CDH12: variants seen among roughly 807,000 people sequenced by gnomAD.
The protein encoded by CDH12 is cadherin 12, also known as cadherin-12.
In CDH12, 41 loss-of-function variants were observed where a neutral mutation model predicts 74.1. The ratio of observed to expected loss-of-function variants is 0.55; its 90% CI spans 0.43 to 0.72. The LOEUF (loss-of-function observed/expected upper bound fraction) is 0.72. Ranked by LOEUF, CDH12 falls within the 30% of genes least tolerant of loss-of-function variation. CDH12 has a pLI of 0.00. For missense variants in CDH12, 945 were observed against 977.2 expected (o/e 0.97, Z 0.44); for synonymous variants, 399 against 355.0 (o/e 1.12, Z -1.39).
chr5:21,849,745 T>C (rs1488039666), intron 7 of CDH12, among the ~76,000 whole-genome samples: 1 of 151,808 alleles, frequency 6.6e-6, no homozygotes, highest in Non-Finnish European at 1.5e-5. Flanking sequence ...GATTTTATTC[T>C]GAATTAATAT....
chr5:21,874,320 AG>A (rs1330169479), intron 6 of CDH12, among the ~76,000 whole-genome samples: 9 of 152,188 alleles, frequency 5.9e-5, no homozygotes, highest in Non-Finnish European at 1.3e-4. Context: ...TGAGAGACAC[AG>A]GACTAGCTGG....
At chr5:21,969,287 G>T (rs528424203) in intron 6 of CDH12, among the ~76,000 whole-genome samples, 1 of 152,244 alleles carries the variant, frequency 6.6e-6, no homozygotes, top group African/African-American at 2.4e-5. Flanking sequence ...AGAATATATT[G>T]CATGACAGAG....
chr5:21,989,345 G>A (rs1484003574), intron 5 of CDH12, among the ~76,000 whole-genome samples: 2 of 152,150 alleles, frequency 1.3e-5, no homozygotes, highest in African/African-American at 4.8e-5. Context: ...TTGTGAAAGC[G>A]ATTGAGTTTT....
At chr5:22,210,947 A>T (rs1401537715) in intron 4 of CDH12, among the ~76,000 whole-genome samples, 1 of 152,252 alleles carries the variant, frequency 6.6e-6, no homozygotes, top group Non-Finnish European at 1.5e-5. Context: ...GAAAAGAGAT[A>T]GAAGTCTCAG....
At chr5:22,821,005 A>T (rs1749670803) in intron 1 of CDH12, among the ~76,000 whole-genome samples, 2 of 152,148 alleles carry the variant, frequency 1.3e-5, no homozygotes, top group Admixed American at 6.6e-5. Context: ...GGCAAACCGA[A>T]TCCAGCAGCA....
At chr5:22,195,325 G>A (rs1750558313) in intron 4 of CDH12, among the ~76,000 whole-genome samples, 1 of 152,038 alleles carries the variant, frequency 6.6e-6, no homozygotes, top group Admixed American at 6.5e-5. Context: ...ATAACTACCT[G>A]TTAATATTGT....
intron 2 of CDH12, among the ~76,000 whole-genome samples, chr5:22,406,546 A>G (rs1015024875): frequency 1.3e-5 from 2 of 152,152 alleles, no homozygotes; most frequent in Non-Finnish European, 2.9e-5. Flanking sequence ...CCACCAGATA[A>G]AAAATATATT....
intron 4 of CDH12, among the ~76,000 whole-genome samples, chr5:22,175,323 T>G (rs1215408871): frequency 1.3e-5 from 2 of 151,696 alleles, no homozygotes; most frequent in African/African-American, 4.8e-5. Flanking sequence ...CATCTATCCA[T>G]GTCAGATGTA....
chr5:22,030,446 T>C (rs1006609927), intron 5 of CDH12, among the ~76,000 whole-genome samples: 3 of 152,116 alleles, frequency 2.0e-5, no homozygotes, highest in African/African-American at 7.2e-5. Context: ...GAATGAGCAG[T>C]AATATTTTGA....
At chr5:21,903,698 C>T (rs1753503415) in intron 6 of CDH12, among the ~76,000 whole-genome samples, 1 of 152,026 alleles carries the variant, frequency 6.6e-6, no homozygotes, top group Non-Finnish European at 1.5e-5. Flanking sequence ...GAAGTCTTTT[C>T]TGGATAGTTG....
At chr5:21,774,988 G>A (rs977894121) in intron 11 of CDH12, among the ~76,000 whole-genome samples, 7 of 152,062 alleles carry the variant, frequency 4.6e-5, no homozygotes, top group Non-Finnish European at 8.8e-5. Context: ...AGATTTCTTG[G>A]CAGTACTCCC....
chr5:22,327,193 C>T (rs1375567898), intron 3 of CDH12, among the ~76,000 whole-genome samples: 1 of 151,986 alleles, frequency 6.6e-6, no homozygotes. Flanking sequence ...GCTTTGTCCC[C>T]ACACTCGAGG....
chr5:21,802,593 C>CTT (rs35742047), intron 9 of CDH12, among the ~76,000 whole-genome samples, 173 bp from the exon 10 acceptor site: 1,423 of 120,156 alleles, frequency 0.012, 81 homozygotes, highest in African/African-American at 0.034. Flanking sequence ...ATTTTTTTTT[C>CTT]TTTTTTTTTT....
chr5:21,824,305 T>G (rs1436178379), intron 8 of CDH12, among the ~76,000 whole-genome samples: 1 of 152,102 alleles, frequency 6.6e-6, no homozygotes, highest in Non-Finnish European at 1.5e-5. Flanking sequence ...TGATGTGGTT[T>G]TTGCTTCTCT....
chr5:22,044,539 T>A (rs577779125), intron 5 of CDH12, among the ~76,000 whole-genome samples: 1 of 152,256 alleles, frequency 6.6e-6, no homozygotes, highest in African/African-American at 2.4e-5. Context: ...CATGATCTAA[T>A]CACCCCCCAT....
chr5:22,588,447 C>T (rs424529), intron 1 of CDH12, among the ~76,000 whole-genome samples: 51,338 of 151,786 alleles, frequency 0.34, 9,157 homozygotes, highest in African/African-American at 0.45. Flanking sequence ...CTGAAGTTAC[C>T]GAGCAATACG....
intron 5 of CDH12, among the ~76,000 whole-genome samples, chr5:22,047,671 C>T (rs1006755212): frequency 5.3e-5 from 8 of 152,104 alleles, no homozygotes; most frequent in African/African-American, 1.9e-4. Flanking sequence ...TTACCTACCT[C>T]CTATGCACTG....
chr5:21,894,629 T>A (rs747659737), intron 6 of CDH12, among the ~76,000 whole-genome samples: 22 of 152,246 alleles, frequency 1.4e-4, no homozygotes, highest in Non-Finnish European at 2.2e-4. Flanking sequence ...TCTTTCTTTA[T>A]ACAGCTATAT....
In CDH12 at chr5:22,551,307, G is replaced by T. The variant is rs554351145; in HGVS notation, c.-522-45943C>A. The stretch of plus-strand genomic sequence containing the variant: ...TCAATCTTCTGGCACCTTGGTCTTA[G>T]ACTTTGAGTCTCCAGAACTGAAAGA... On this transcript the variant is annotated intron_variant, in intron 1 of 14. Transcript: ENST00000382254. 3.3e-4 allele frequency among the ~76,000 whole-genome samples: 51 copies of T among 152,240 alleles called. No homozygotes were observed. The South Asian group carries it at 6.8e-3, about 20-fold the overall frequency.
Sources: gnomAD v4.1 joint callset for allele counts (sites outside exome capture counted in the v4.1 genomes callset) on GRCh38, gnomAD v4.1.1 for gene constraint, MANE v1.5 for transcripts, NCBI Gene and HGNC (gene_info 2026-07-23, HGNC 2026-07-21) for gene names.